The following FGFR2 variants were observed in gnomAD, a reference collection of about 807,000 sequenced individuals.
FGFR2 encodes the protein fibroblast growth factor receptor 2.
FGFR2 carries 19 observed loss-of-function variants against 95.9 expected under a neutral mutation model. The observed-to-expected ratio is 0.20, with a 90% CI of 0.14 to 0.29. FGFR2 has a LOEUF of 0.29. Among genes scored for constraint, FGFR2 ranks in the 10% least tolerant of loss-of-function variants. The pLI, the probability that FGFR2 is intolerant of heterozygous loss-of-function variation, is 1.00. For synonymous variants in FGFR2, 392 were observed against 393.3 expected (o/e 1.00, Z 0.04); for missense variants, 707 against 1,056.9 (o/e 0.67, Z 4.59).
chr10:121,512,219 T>C (rs2134183679), intron 9 of FGFR2, among the ~76,000 whole-genome samples: 1 of 152,352 alleles, frequency 6.6e-6, no homozygotes, highest in Middle Eastern at 3.4e-3. Context: ...TGCTCTGTCA[T>C]CAACGTATCT....
At position 121,517,628 on chromosome 10, in the gene FGFR2, C is replaced by A. The variant is rs1849869402; in HGVS notation, c.940-165G>T. ...AAGCCCACAACCGAGAGACACGGAG[C>A]AACACTGACCAGCTCACCTCCACAG... On this transcript the variant is annotated intron_variant, in intron 7 of 17. Coordinates refer to ENST00000358487, the MANE Select transcript of FGFR2 (RefSeq NM_000141.5). This position sits in a 1 kb window ranked among gnomAD's most constrained non-coding sequence, Gnocchi z 4.7. Among the ~76,000 whole-genome samples, 1 of 152,030 alleles carries A rather than the reference C, an allele frequency of 6.6e-6. No individual in the cohort carries two copies. The highest frequency in any genetic ancestry group is 1.5e-5 in the Non-Finnish European group (1 of 68,010).
intron 4 of FGFR2, among the ~76,000 whole-genome samples, chr10:121,559,470 G>GC (rs1257235252): frequency 6.6e-6 from 1 of 152,302 alleles, no homozygotes; most frequent in Admixed American, 6.5e-5. Context: ...AATCTCAGCC[G>GC]CCCCAGGCTG....
intron 13 of FGFR2, among the ~76,000 whole-genome samples, chr10:121,492,042 G>A (rs1490367635): frequency 6.6e-6 from 1 of 151,798 alleles, no homozygotes; most frequent in Non-Finnish European, 1.5e-5. Context: ...CAGGTGTGGT[G>A]GTACATGCCT....
rs754928713 is a variant in FGFR2 at position 121,483,754 on chromosome 10, T to C, written c.2245A>G (p.Thr749Ala). 1.2e-5 allele frequency: 20 copies of C among 1,613,952 alleles called. No individual in the cohort carries two copies. In the South Asian group the frequency reaches 1.8e-4, roughly 14 times the overall value. ...AAGTCTTCTACCAACTGCTTGAACGTTGGTCTCTGGGAGGGCACTGCATGC... is the reference window on the plus strand; with the variant it reads ...AAGTCTTCTACCAACTGCTTGAACGCTGGTCTCTGGGAGGGCACTGCATGC... Reference protein sequence around the residue: ...CWHAVPSQRPTFKQLVEDLDR... With the variant: ...CWHAVPSQRPAFKQLVEDLDR... The change falls in exon 17 of 18, where the codon ACG becomes GCG. Residue 749 changes from threonine to alanine, a missense_variant. Thr to Ala is a moderately conservative substitution (Grantham distance 58). Around this residue, in one of 7 missense-constraint regions of FGFR2, gnomAD observed 104 missense variants for 214.2 expected, o/e 0.49. Transcript: ENST00000358487.
Position 121,569,851 on chromosome 10 carries a change from C to T in FGFR2, c.110-4147G>A, listed in dbSNP as rs75308812. On this transcript the variant is annotated intron_variant, in intron 2 of 17. Coordinates refer to ENST00000358487, the MANE Select transcript of FGFR2 (RefSeq NM_000141.5). ...ACAAAGGGCCCATTTTGGGGATCAG[C>T]GGTGCCTTTAGTAAACATGCCAGTA... Among the ~76,000 whole-genome samples, 426 of 152,328 alleles carry T rather than the reference C, an allele frequency of 2.8e-3. 3 individuals carry two copies. The highest frequency in any genetic ancestry group is 3.5e-3 in the Non-Finnish European group (238 of 68,038).
chr10:121,526,293 G>A (rs564478621), intron 6 of FGFR2: 3 of 398,170 alleles, frequency 7.5e-6, no homozygotes, highest in Non-Finnish European at 1.3e-5. Flanking sequence ...AAGAGTAGGC[G>A]GTGGTTGCTT....
At chr10:121,576,249 G>C (rs58204825) in intron 2 of FGFR2, among the ~76,000 whole-genome samples, 2,111 of 152,280 alleles carry the variant, frequency 0.014, 54 homozygotes, top group African/African-American at 0.047. Context: ...AAAGCGACAG[G>C]CCATTAGATC....
chr10:121,590,001 G>GTAA (rs1459883731), intron 2 of FGFR2, among the ~76,000 whole-genome samples: 2 of 152,116 alleles, frequency 1.3e-5, no homozygotes, highest in Non-Finnish European at 2.9e-5. Flanking sequence ...TTCTAACAAA[G>GTAA]GACTTAAACC....
chr10:121,546,687 T>C (rs1854568518), intron 5 of FGFR2, among the ~76,000 whole-genome samples: 1 of 152,142 alleles, frequency 6.6e-6, no homozygotes, highest in African/African-American at 2.4e-5. Flanking sequence ...CGCACATGCA[T>C]GCCATTTCAA....
chr10:121,479,432 T>C lies in FGFR2; in HGVS notation c.*425A>G, dbSNP rs768164829. 4 of 379,278 alleles carry C rather than the reference T, an allele frequency of 1.1e-5. No homozygotes were observed. The highest frequency in any genetic ancestry group is 1.4e-5 in the Non-Finnish European group (3 of 217,322). The allele number at this position is 379,278 out of a possible 1,614,324, so 23.5% of individuals were successfully genotyped here. The stretch of plus-strand genomic sequence containing the variant: ...CAAAAAATAACTCCTTGTAAATATA[T>C]AATATATATTTATACATAATTTGAA... On this transcript the variant is annotated 3_prime_UTR_variant, in exon 18 of 18. Coordinates refer to ENST00000358487, the MANE Select transcript of FGFR2 (RefSeq NM_000141.5).
intron 9 of FGFR2, among the ~76,000 whole-genome samples, chr10:121,514,868 T>C (rs1849488475): frequency 6.6e-6 from 1 of 152,152 alleles, no homozygotes; most frequent in African/African-American, 2.4e-5. Flanking sequence ...GTCCTGCTGA[T>C]TAGTTTTCTG....
In FGFR2 at chr10:121,539,189, C is replaced by G. The variant is rs41295513; in HGVS notation, c.625-474G>C. 7.7e-3 allele frequency among the ~76,000 whole-genome samples: 1,173 copies of G among 152,324 alleles called. 20 individuals are homozygous for G. The highest frequency in any genetic ancestry group is 0.027 in the African/African-American group (1,118 of 41,584). On this transcript the variant is annotated intron_variant, in intron 5 of 17. Coordinates refer to ENST00000358487, the MANE Select transcript of FGFR2 (RefSeq NM_000141.5). ...CACTGCTCCAAGCCCTCTGTGCTGC[C>G]GTAGCTAATTCATTTCTCCTAAGGG...
At chr10:121,525,594 C>G (rs938000418) in intron 6 of FGFR2, among the ~76,000 whole-genome samples, 4 of 149,648 alleles carry the variant, frequency 2.7e-5, no homozygotes, top group Non-Finnish European at 1.5e-5. Context: ...GAAAGCACAG[C>G]CTGCTTCCTT....
chr10:121,564,722 T>G, intron 3 of FGFR2, 143 bp from the exon 4 acceptor site: 3 of 733,472 alleles, frequency 4.1e-6, no homozygotes, highest in Admixed American at 2.0e-5. Flanking sequence ...TCAGTTAAGA[T>G]AGTTTTAATG....
chr10:121,538,319 C>T (rs1000929104), intron 6 of FGFR2: 18 of 779,174 alleles, frequency 2.3e-5, no homozygotes, highest in South Asian at 2.3e-4. Context: ...ATCTCAGCTT[C>T]CAAAATGTCA....
At chr10:121,547,157 G>A (rs1021909388) in intron 5 of FGFR2, among the ~76,000 whole-genome samples, 2 of 152,204 alleles carry the variant, frequency 1.3e-5, no homozygotes, top group Non-Finnish European at 2.9e-5. Context: ...CCGGGAGGCA[G>A]AGGTTACAGT....
intron 6 of FGFR2, chr10:121,526,183 A>G (rs964969711): frequency 2.5e-6 from 1 of 398,648 alleles, no homozygotes; most frequent in Non-Finnish European, 4.4e-6. Context: ...GTCTCTTAGC[A>G]ACGCCAAAGA....
intron 2 of FGFR2, among the ~76,000 whole-genome samples, chr10:121,589,285 C>T (rs1314381013): frequency 2.0e-5 from 3 of 152,206 alleles, no homozygotes; most frequent in African/African-American, 7.2e-5. Flanking sequence ...ACCTAAACAA[C>T]AGTCTGCAAA....
At chr10:121,513,810 C>T (rs907585263) in intron 9 of FGFR2, among the ~76,000 whole-genome samples, 2 of 152,278 alleles carry the variant, frequency 1.3e-5, no homozygotes, top group African/African-American at 4.8e-5. Context: ...CCTCCGTCTC[C>T]ACAAAGAAAG....
Sources: gnomAD v4.1 joint callset for allele counts (sites outside exome capture counted in the v4.1 genomes callset) on GRCh38, gnomAD v4.1.1 for gene constraint, gnomAD v4.1.1 regional missense constraint, Gnocchi (gnomAD v3.1) non-coding constraint, MANE v1.5 for transcripts, NCBI Gene and HGNC (gene_info 2026-07-23, HGNC 2026-07-21) for gene names.